The following PCNX4 variants were observed in gnomAD, a reference collection of about 807,000 sequenced individuals.
PCNX4 encodes the protein pecanex-like protein 4.
PCNX4 carries 103 observed loss-of-function variants against 107.2 expected under a neutral mutation model. The observed-to-expected ratio is 0.96, with a 90% confidence interval of 0.82 to 1.13. PCNX4 has a LOEUF of 1.13. PCNX4 is among the 50% of genes most tolerant of loss of function. The pLI is 0.00. For missense variants in PCNX4, 1,528 were observed against 1,379.4 expected (o/e 1.11, Z -1.71); for synonymous variants, 541 against 481.7 (o/e 1.12, Z -1.61).
chr14:60,111,158 C>G (rs778384953), intron 2 of PCNX4: 1 of 153,846 alleles, frequency 6.5e-6, no homozygotes, highest in Non-Finnish European at 1.5e-5. Flanking sequence ...GTTTAAGCCA[C>G]TCAGTCTATG....
At chr14:60,126,418 G>A (rs1896056581) in intron 10 of PCNX4, among the ~76,000 whole-genome samples, 1 of 152,194 alleles carries the variant, frequency 6.6e-6, no homozygotes, top group South Asian at 2.1e-4. Context: ...GCACTCCCTA[G>A]TGAAACTGAT....
At position 60,116,069 on chromosome 14, in the gene PCNX4, G is replaced by A. The variant is rs776545920; in HGVS notation, c.1578+9G>A. 7 of 1,589,588 alleles carry A rather than the reference G, an allele frequency of 4.4e-6. No individual in the cohort carries two copies. Among genetic ancestry groups the A allele is most frequent in the Non-Finnish European group, 5.1e-6 (6 of 1,168,978 alleles). ...GACTCAGACTCTTACTGGTAAGTGT[G>A]TCTTTTAACAGCTTTACTGAAATAT... On this transcript the variant is annotated intron_variant, in intron 6 of 10. Coordinates refer to ENST00000406854, the MANE Select transcript of PCNX4 (RefSeq NM_001330177.2).
At chr14:60,094,454 G>A (rs1157359573) in intron 1 of PCNX4, among the ~76,000 whole-genome samples, 2 of 152,104 alleles carry the variant, frequency 1.3e-5, no homozygotes, top group African/African-American at 2.4e-5. Flanking sequence ...CATTCCAGGC[G>A]AGTTTGGGCT....
intron 1 of PCNX4, among the ~76,000 whole-genome samples, chr14:60,098,226 A>G (rs1895464035): frequency 6.6e-6 from 1 of 152,090 alleles, no homozygotes; most frequent in East Asian, 1.9e-4. Flanking sequence ...CTGACCAGAG[A>G]CATTCCAACC....
rs1380743991 is a variant in PCNX4, at chr14:60,139,244, A to G, written c.*5023A>G. ...GAGATGTCTTAAGTATAGGAATACAAAGGTTTGAAGTAAACAAGAATGGAA... is the reference window on the plus strand; with the variant it reads ...GAGATGTCTTAAGTATAGGAATACAGAGGTTTGAAGTAAACAAGAATGGAA... On this transcript the variant is annotated 3_prime_UTR_variant, in exon 11 of 11. Transcript: ENST00000406854. The G allele has an allele frequency of 6.6e-6, 1 of 152,156 alleles. No individual in the cohort carries two copies. Among genetic ancestry groups the G allele is most frequent in the Non-Finnish European group, 1.5e-5 (1 of 67,962 alleles). 9.4% of individuals were successfully genotyped at this position (152,156 alleles called of 1,614,324 possible).
chr14:60,131,761 A>C (rs1309492767), intron 10 of PCNX4, among the ~76,000 whole-genome samples: 1 of 152,242 alleles, frequency 6.6e-6, no homozygotes, highest in Admixed American at 6.5e-5. Context: ...CTTGAAAAAG[A>C]AAATTGGCCG....
chr14:60,122,473 C>T (rs938243377), intron 8 of PCNX4, among the ~76,000 whole-genome samples: 39 of 152,028 alleles, frequency 2.6e-4, no homozygotes, highest in African/African-American at 7.2e-4. Flanking sequence ...CACCTAACTC[C>T]CTCCCTCACC....
chr14:60,092,292 C>T lies in PCNX4; in HGVS notation c.-181C>T, dbSNP rs1242800169. On this transcript the variant is annotated 5_prime_UTR_variant, in exon 1 of 11. Transcript: ENST00000406854. The stretch of plus-strand genomic sequence containing the variant: ...CGCGGTGAGCTCGTTATTCGGCCGC[C>T]GCAGCTTTTCTGCCTCCGCATTCGG... The T allele has an allele frequency of 3.3e-5, 5 of 152,288 alleles. No individual in the cohort carries two copies. Among genetic ancestry groups the T allele is most frequent in the African/African-American group, 1.2e-4 (5 of 41,476 alleles). 9.4% of individuals were successfully genotyped at this position (152,288 alleles called of 1,614,324 possible).
chr14:60,098,395 T>G lies in PCNX4; in HGVS notation c.-54+5976T>G, dbSNP rs143774162. Among the ~76,000 whole-genome samples the G allele has an allele frequency of 5.4e-4, 82 of 152,352 alleles. 2 individuals are homozygous for G. In the East Asian group the frequency reaches 7.9e-3, roughly 15 times the overall value. On this transcript the variant is annotated intron_variant, in intron 1 of 10. Transcript: ENST00000406854. ...CCAAAACAAACCTGTCTTTGACTGT[T>G]GAGCCACTTTGTATTTCTTTCCTCT... is the stretch of plus-strand genomic sequence containing the variant.
At chr14:60,107,551 T>G in intron 1 of PCNX4, 35 bp from the exon 2 acceptor site, 1 of 1,175,762 alleles carries the variant, frequency 8.5e-7, no homozygotes, top group Non-Finnish European at 1.2e-6. Flanking sequence ...AATGACATTT[T>G]CAAACAGTGA....
In PCNX4 at chr14:60,107,800, G is replaced by A; in HGVS notation, c.162G>A (p.Trp54Ter). 1.2e-6 allele frequency: 2 copies of A among 1,612,776 alleles called. No individual in the cohort carries two copies. Among genetic ancestry groups the A allele is most frequent in the Non-Finnish European group, 1.7e-6 (2 of 1,179,832 alleles). Residue 54 changes from tryptophan (W) to a stop codon, truncating the protein, a stop_gained, in exon 2 of 11, where the codon TGG becomes TGA. Transcript: ENST00000406854. LOFTEE classifies it high-confidence loss of function. Reference sequence around the variant, plus strand: ...TTCTTTTTCTAATGCCATGGGTTTGGGGTGGAGTCGGAACACTTTTATACC... The same window carrying A: ...TTCTTTTTCTAATGCCATGGGTTTGAGGTGGAGTCGGAACACTTTTATACC... ...QIILFLMPWV[W>*]GGVGTLLYQL...
At chr14:60,129,533 A>G (rs1896116857) in intron 10 of PCNX4, among the ~76,000 whole-genome samples, 2 of 152,322 alleles carry the variant, frequency 1.3e-5, no homozygotes. Context: ...ATCCTAGGTG[A>G]TGGAGCAAGA....
rs1896366338 is a variant in PCNX4, at chr14:60,145,135, A to G, written c.*10914A>G. 3.0e-6 allele frequency: 2 copies of G among 660,822 alleles called. No homozygotes were observed. The highest frequency in any genetic ancestry group is 4.8e-6 in the Non-Finnish European group (2 of 419,312). 40.9% of individuals were successfully genotyped at this position (660,822 alleles called of 1,614,324 possible). A position where few individuals can be genotyped will look rare whatever the true frequency, so the allele number is the denominator to read the frequency against. ...TGATTCACTATTAAGAATCTTTACA[A>G]AAGTTCAGAAACTGCTTAAATTAGA... On this transcript the variant is annotated 3_prime_UTR_variant, in exon 11 of 11. Transcript: ENST00000406854. The surrounding 1 kb of genome is among the most constrained non-coding windows in gnomAD (Gnocchi z 4.0).
At position 60,138,976 on chromosome 14, in the gene PCNX4, AAAAG is replaced by A. The variant is rs1896273380; in HGVS notation, c.*4758_*4761del. On this transcript the variant is annotated 3_prime_UTR_variant, in exon 11 of 11. Transcript: ENST00000406854. ...CTGTGTCATCTATAGGGTAACCACT[AAAAG>A]AACAGCAAAAAGCAAAATAAAACAA... is the stretch of plus-strand genomic sequence containing the variant. The A allele has an allele frequency of 1.4e-5, 2 of 143,534 alleles. No homozygotes were observed. Among genetic ancestry groups the A allele is most frequent in the African/African-American group, 5.7e-5 (2 of 35,218 alleles). The allele number at this position is 143,534 out of a possible 1,614,324, so 8.9% of individuals were successfully genotyped here.
At chr14:60,119,619 A>T (rs1172704148) in intron 7 of PCNX4, among the ~76,000 whole-genome samples, 1 of 152,204 alleles carries the variant, frequency 6.6e-6, no homozygotes, top group Non-Finnish European at 1.5e-5. Context: ...TATACTTACA[A>T]TACTTTTATC....
rs1282084824 is a variant in PCNX4, at chr14:60,136,861, G to A, written c.*2640G>A. 1.3e-5 allele frequency: 2 copies of A among 152,556 alleles called. No individual in the cohort carries two copies. The highest frequency in any genetic ancestry group is 2.4e-5 in the African/African-American group (1 of 41,438). The allele number at this position is 152,556 out of a possible 1,614,324, so 9.5% of individuals were successfully genotyped here. On this transcript the variant is annotated 3_prime_UTR_variant, in exon 11 of 11. Coordinates refer to ENST00000406854, the MANE Select transcript of PCNX4 (RefSeq NM_001330177.2). ...AGGTTGGGCCTTTTTCCGCCTTGTG[G>A]TCAGGTGGTTAGGCAGCATGTTTCT...
At position 60,137,680 on chromosome 14, in the gene PCNX4, T is replaced by C. The variant is rs1896255403; in HGVS notation, c.*3459T>C. On this transcript the variant is annotated 3_prime_UTR_variant, in exon 11 of 11. Coordinates refer to ENST00000406854, the MANE Select transcript of PCNX4 (RefSeq NM_001330177.2). ...ACACAGGGTCTAAAATTACTATGTT[T>C]AGTGTGTTTAAAGATCTAAAACACA... 1 of 152,206 alleles carries C rather than the reference T, an allele frequency of 6.6e-6. No individual in the cohort carries two copies. Among genetic ancestry groups the C allele is most frequent in the African/African-American group, 2.4e-5 (1 of 41,456 alleles). 9.4% of individuals were successfully genotyped at this position (152,206 alleles called of 1,614,324 possible). A position where few individuals can be genotyped will look rare whatever the true frequency, so the allele number is the denominator to read the frequency against.
chr14:60,144,071 T>A lies in PCNX4; in HGVS notation c.*9850T>A, dbSNP rs1190536666. The A allele has an allele frequency of 6.6e-6, 1 of 152,160 alleles. No individual in the cohort carries two copies. Among genetic ancestry groups the A allele is most frequent in the Non-Finnish European group, 1.5e-5 (1 of 68,026 alleles). 9.4% of individuals were successfully genotyped at this position (152,160 alleles called of 1,614,324 possible). ...AGGTAGGTAATACCATCTATCTTAG[T>A]GGGCTGTTATGAGGAATGAGTTAAT... On this transcript the variant is annotated 3_prime_UTR_variant, in exon 11 of 11. Coordinates refer to ENST00000406854, the MANE Select transcript of PCNX4 (RefSeq NM_001330177.2).
At position 60,142,484 on chromosome 14, in the gene PCNX4, TC is replaced by T. The variant is rs1831910687; in HGVS notation, c.*8265del. On this transcript the variant is annotated 3_prime_UTR_variant, in exon 11 of 11. Transcript: ENST00000406854. The surrounding 1 kb of genome is among the most constrained non-coding windows in gnomAD (Gnocchi z 4.7). Reference sequence around the variant, plus strand: ...ACACCATTTTCTTCCTACTTAAAAGTCCACTCAGGATAATGATTAAGAAATA... The same window carrying T: ...ACACCATTTTCTTCCTACTTAAAAGTCACTCAGGATAATGATTAAGAAATA... 6.6e-6 allele frequency: 1 copy of T among 151,456 alleles called. No individual in the cohort carries two copies. Among genetic ancestry groups the T allele is most frequent in the Non-Finnish European group, 1.5e-5 (1 of 67,936 alleles). The allele number at this position is 151,456 out of a possible 1,614,324, so 9.4% of individuals were successfully genotyped here. A position where few individuals can be genotyped will look rare whatever the true frequency, so the allele number is the denominator to read the frequency against.
Sources: gnomAD v4.1 joint callset for allele counts (sites outside exome capture counted in the v4.1 genomes callset) on GRCh38, gnomAD v4.1.1 for gene constraint, Gnocchi (gnomAD v3.1) non-coding constraint, MANE v1.5 for transcripts, NCBI Gene and HGNC (gene_info 2026-07-23, HGNC 2026-07-21) for gene names.